Variants in PSMG2 observed in about 807,000 individuals in gnomAD.
PSMG2 encodes the protein proteasome assembly chaperone 2.
In PSMG2, 21 loss-of-function variants were observed where a neutral mutation model predicts 31.5. That is an observed-to-expected ratio of 0.67 (90% CI 0.47 to 0.96). PSMG2 has a LOEUF of 0.96. Among genes scored for constraint, PSMG2 ranks in the 40% least tolerant of loss-of-function variants. The pLI, the probability that PSMG2 is intolerant of heterozygous loss-of-function variation, is 0.00. For synonymous variants in PSMG2, 120 were observed against 110.4 expected (o/e 1.09, Z -0.54); for missense variants, 318 against 321.2 (o/e 0.99, Z 0.08).
At chr18:12,717,985 C>T (rs1285198495) in intron 3 of PSMG2, among the ~76,000 whole-genome samples, 2 of 150,854 alleles carry the variant, frequency 1.3e-5, no homozygotes, top group East Asian at 3.9e-4. Flanking sequence ...CCTCATGATT[C>T]ATTGATTTCT....
chr18:12,720,028 C>G (rs1049545314), intron 4 of PSMG2, among the ~76,000 whole-genome samples: 4 of 151,328 alleles, frequency 2.6e-5, no homozygotes, highest in Admixed American at 6.6e-5. Context: ...CAAGATGTAG[C>G]ATTTAGATCA....
At chr18:12,686,215 G>A in intron 1 of PSMG2, 1 of 1,442,580 alleles carries the variant, frequency 6.9e-7, no homozygotes, top group African/African-American at 1.4e-5. Context: ...CAAATTCAGA[G>A]TAACTATGAT....
chr18:12,700,838 C>G (rs369682873), upstream of PSMG2: 1 of 685,932 alleles, frequency 1.5e-6, no homozygotes. Context: ...CACTAGTAAA[C>G]AGAATGACCT....
At chr18:12,673,398 G>T (rs780897774) in intron 1 of PSMG2, 1 of 1,606,266 alleles carries the variant, frequency 6.2e-7, no homozygotes, top group African/African-American at 1.3e-5. Context: ...AAGCAAACAT[G>T]ATCCAAACAG....
At position 12,665,849 on chromosome 18, in the gene PSMG2, A is replaced by G. The variant is rs535189562; in HGVS notation, c.-37+7076A>G. ...AGTAGCTGCGATTACAGATCACGCC[A>G]CCACACCCAGCTAATTTTTGTATTT... On this transcript the variant is annotated intron_variant, in intron 1 of 6. Transcript: ENST00000585331. 4.9e-4 allele frequency among the ~76,000 whole-genome samples: 74 copies of G among 152,196 alleles called. No homozygotes were observed. The South Asian group carries it at 0.014, about 28-fold the overall frequency.
upstream of PSMG2, chr18:12,703,015 C>T: frequency 2.1e-6 from 3 of 1,441,986 alleles, no homozygotes; most frequent in East Asian, 7.7e-5. Flanking sequence ...TCCCGCGCCC[C>T]GCGAGGCTCC....
chr18:12,718,884 T>C (rs968568227), intron 4 of PSMG2, among the ~76,000 whole-genome samples: 1 of 152,132 alleles, frequency 6.6e-6, no homozygotes, highest in Non-Finnish European at 1.5e-5. Context: ...TTGGGAACCA[T>C]GTTTTTAGTG....
chr18:12,663,720 G>A (rs774551237), intron 1 of PSMG2, among the ~76,000 whole-genome samples: 1 of 152,114 alleles, frequency 6.6e-6, no homozygotes, highest in Non-Finnish European at 1.5e-5. Context: ...ATGAGACAAT[G>A]CAAAAATGTT....
intron 1 of PSMG2, chr18:12,695,219 AAC>A (rs1343405607): frequency 2.1e-6 from 2 of 960,086 alleles, no homozygotes; most frequent in Middle Eastern, 2.5e-4. Flanking sequence ...TATGAAAACA[AAC>A]ACACAAAAAA....
At chr18:12,705,614 A>G (rs1428078176) in intron 1 of PSMG2, among the ~76,000 whole-genome samples, 1 of 135,116 alleles carries the variant, frequency 7.4e-6, no homozygotes, top group African/African-American at 2.8e-5. Flanking sequence ...TTTAGTGTGA[A>G]AAGATCACTT....
chr18:12,715,936 G>T (rs917218994), intron 3 of PSMG2, among the ~76,000 whole-genome samples: 9 of 152,200 alleles, frequency 5.9e-5, no homozygotes, highest in African/African-American at 2.2e-4. Flanking sequence ...ATAGAGCATT[G>T]TCAGCATTCC....
chr18:12,724,051 A>G (rs528269439), intron 5 of PSMG2: 1 of 154,384 alleles, frequency 6.5e-6, no homozygotes, highest in South Asian at 2.1e-4. Context: ...ATAACCACTC[A>G]GCGTTTTCGG....
At chr18:12,659,233 GCT>G (rs1432179741) in intron 1 of PSMG2, among the ~76,000 whole-genome samples, 1 of 151,374 alleles carries the variant, frequency 6.6e-6, no homozygotes, top group African/African-American at 2.4e-5. Flanking sequence ...TAGAAATCAC[GCT>G]CTCAACAATT....
intron 3 of PSMG2, among the ~76,000 whole-genome samples, chr18:12,717,041 CGAGGCTCAAAT>C (rs1013295634): frequency 2.7e-5 from 4 of 150,534 alleles, no homozygotes; most frequent in African/African-American, 9.8e-5. Context: ...CCCTGACCTC[CGAGGCTCAAAT>C]GATCCTCCCA....
intron 5 of PSMG2, among the ~76,000 whole-genome samples, chr18:12,723,671 C>A (rs916344345): frequency 1.3e-5 from 2 of 152,284 alleles, no homozygotes; most frequent in Admixed American, 1.3e-4. Flanking sequence ...GGATTACAGG[C>A]TTGAGCCAGC....
Position 12,720,526 on chromosome 18 carries a change from C to T in PSMG2, c.424C>T (p.Leu142=). The T allele has an allele frequency of 1.2e-6, 2 of 1,602,860 alleles. No homozygotes were observed. The highest frequency in any genetic ancestry group is 1.7e-6 in the Non-Finnish European group (2 of 1,175,952). Reference sequence around the variant, plus strand: ...TATTTCTAGTACTCCCTTCCGGTACCTACTTACACCTTCCATGCAAAAAAG... The same window carrying T: ...TATTTCTAGTACTCCCTTCCGGTACTTACTTACACCTTCCATGCAAAAAAG... ...LQLRSTPFRY[L]LTPSMQKSVQ... The change falls in exon 5 of 7, where the codon CTA becomes TTA. Residue 142 remains leucine (L), a synonymous_variant. Coordinates refer to ENST00000317615, the MANE Select transcript of PSMG2 (RefSeq NM_020232.5).
intron 1 of PSMG2, chr18:12,673,582 T>C: frequency 8.0e-7 from 1 of 1,246,024 alleles, no homozygotes; most frequent in East Asian, 2.7e-5. Flanking sequence ...AATCAGTATT[T>C]AAAATAATTT....
At chr18:12,671,622 G>A (rs1371718400) in intron 1 of PSMG2, among the ~76,000 whole-genome samples, 2 of 146,748 alleles carry the variant, frequency 1.4e-5, no homozygotes, top group Admixed American at 6.8e-5. Flanking sequence ...AATAAGTTGA[G>A]GAATCAGGTT....
At position 12,725,420 on chromosome 18, in the gene PSMG2, T is replaced by C; in HGVS notation, c.703-19T>C. The stretch of plus-strand genomic sequence containing the variant: ...ATGGTAAAGTTTAAAGATTAAAATA[T>C]TTTGTTCTTCAATTACAGAGCGATG... On this transcript the variant is annotated intron_variant, in intron 6 of 6. Transcript: ENST00000317615. The C allele has an allele frequency of 1.3e-6, 2 of 1,520,494 alleles. No individual in the cohort carries two copies. The highest frequency in any genetic ancestry group is 1.8e-6 in the Non-Finnish European group (2 of 1,104,034). 94.2% of individuals were successfully genotyped at this position (1,520,494 alleles called of 1,614,324 possible). A position where few individuals can be genotyped will look rare whatever the true frequency, so the allele number is the denominator to read the frequency against.
Sources: gnomAD v4.1 joint callset for allele counts (sites outside exome capture counted in the v4.1 genomes callset) on GRCh38, gnomAD v4.1.1 for gene constraint, MANE v1.5 for transcripts, NCBI Gene and HGNC (gene_info 2026-07-23, HGNC 2026-07-21) for gene names.